The following DLG2 variants were observed in gnomAD, a reference collection of about 807,000 sequenced individuals.
DLG2 encodes the protein discs large MAGUK scaffold protein 2, also known as disks large homolog 2.
Under a neutral mutation model 132.5 loss-of-function variants are expected in DLG2, and 45 were observed. That is an observed-to-expected ratio of 0.34 (90% CI 0.27 to 0.44). The LOEUF is 0.44. Among genes scored for constraint, DLG2 ranks in the 20% least tolerant of loss-of-function variants. The pLI is 1.00. For missense variants in DLG2, 1,045 were observed against 1,196.9 expected, an observed-to-expected ratio of 0.87 and a Z score of 1.87; for synonymous variants, 424 against 419.6, an observed-to-expected ratio of 1.01 and a Z score of -0.13.
intron 6 of DLG2, among the ~76,000 whole-genome samples, chr11:84,914,956 T>C (rs2092360780): frequency 6.6e-6 from 1 of 152,206 alleles, no homozygotes; most frequent in Non-Finnish European, 1.5e-5. Flanking sequence ...GTGGGTAGGC[T>C]AAATCCCAAA....
At chr11:84,034,473 A>G (rs1472883313) in intron 11 of DLG2, among the ~76,000 whole-genome samples, 1 of 152,180 alleles carries the variant, frequency 6.6e-6, no homozygotes, top group Non-Finnish European at 1.5e-5. Context: ...ATGCATATAT[A>G]AATTTTTTCA....
intron 6 of DLG2, among the ~76,000 whole-genome samples, chr11:84,859,326 C>CAT (rs370347390): frequency 0.14 from 19,736 of 144,268 alleles, 1,833 homozygotes; most frequent in Non-Finnish European, 0.19. Context: ...TGTATATCTA[C>CAT]ATATATAGGT....
chr11:83,942,746 A>C (rs779995347), intron 14 of DLG2, among the ~76,000 whole-genome samples: 4 of 152,214 alleles, frequency 2.6e-5, no homozygotes, highest in Non-Finnish European at 5.9e-5. Context: ...TAATTTTTTA[A>C]AAATATTTTT....
intron 7 of DLG2, among the ~76,000 whole-genome samples, chr11:84,416,749 T>A (rs1214418166): frequency 1.3e-5 from 2 of 152,166 alleles, no homozygotes; most frequent in East Asian, 3.9e-4. Flanking sequence ...TGAGATAATA[T>A]AAAGCATTAC....
intron 3 of DLG2, among the ~76,000 whole-genome samples, chr11:85,377,864 CATAT>C (rs752711233): frequency 1.4e-4 from 19 of 134,626 alleles, no homozygotes; most frequent in Non-Finnish European, 2.8e-4. Flanking sequence ...TGTGTGTATA[CATAT>C]ATATACACAC....
rs140780030 is a variant in DLG2 at position 83,857,793 on chromosome 11, T to C, written c.1565+16627A>G. ...TGCATGTGTTGGGGCAGGACACACA[T>C]GAGAATTTTCTACATTTTCTGCTCT... On this transcript the variant is annotated intron_variant, in intron 16 of 27. Coordinates refer to ENST00000376104, the MANE Select transcript of DLG2 (RefSeq NM_001142699.3). 9.6e-3 allele frequency among the ~76,000 whole-genome samples: 1,435 copies of C among 149,966 alleles called. 19 individuals carry two copies. The highest frequency in any genetic ancestry group is 0.033 in the African/African-American group (1,361 of 40,956).
chr11:84,357,522 A>G (rs927955151), intron 7 of DLG2, among the ~76,000 whole-genome samples: 1 of 152,030 alleles, frequency 6.6e-6, no homozygotes, highest in African/African-American at 2.4e-5. Context: ...TTTATGTTTA[A>G]GAGCAATGGC....
rs75347264 is a variant in DLG2 at position 84,737,137 on chromosome 11, T to A, written c.358-202406A>T. On this transcript the variant is annotated intron_variant, in intron 6 of 27. Coordinates refer to ENST00000376104, the MANE Select transcript of DLG2 (RefSeq NM_001142699.3). ...CATGGTTTTTCTATGCCTGAGATTT[T>A]TTTAGGTGATTAATATGGTGATTTT... is the stretch of plus-strand genomic sequence containing the variant. Among the ~76,000 whole-genome samples, 928 of 152,048 alleles carry A rather than the reference T, an allele frequency of 6.1e-3. 4 individuals are homozygous for A. The highest frequency in any genetic ancestry group is 0.01 in the Non-Finnish European group (697 of 67,848).
intron 3 of DLG2, among the ~76,000 whole-genome samples, chr11:85,307,421 G>GA (rs529512833): frequency 1.5e-3 from 230 of 151,068 alleles, no homozygotes; most frequent in African/African-American, 3.1e-3. Flanking sequence ...CTAAGCATGT[G>GA]AAAAAAAAAT....
intron 15 of DLG2, among the ~76,000 whole-genome samples, chr11:83,877,157 C>T (rs1417264770): frequency 3.3e-5 from 5 of 152,024 alleles, no homozygotes; most frequent in Non-Finnish European, 7.4e-5. Context: ...GTACTAGTTT[C>T]CCCACAGTCT....
At chr11:85,280,963 TC>T (rs1412852786) in intron 4 of DLG2, among the ~76,000 whole-genome samples, 1 of 152,036 alleles carries the variant, frequency 6.6e-6, no homozygotes, top group African/African-American at 2.4e-5. Flanking sequence ...ATGACTCTGC[TC>T]CTGTCATCTT....
At chr11:83,699,164 T>C (rs1303950140) in intron 18 of DLG2, among the ~76,000 whole-genome samples, 3 of 151,984 alleles carry the variant, frequency 2.0e-5, no homozygotes, top group Admixed American at 1.3e-4. Context: ...AGCATAAGGA[T>C]AGATGTCCCC....
At chr11:83,685,532 A>G (rs1027246078) in intron 18 of DLG2, among the ~76,000 whole-genome samples, 1 of 151,980 alleles carries the variant, frequency 6.6e-6, no homozygotes, top group Non-Finnish European at 1.5e-5. Flanking sequence ...TCACTAATCT[A>G]TCCTTCTACG....
At chr11:85,076,812 G>A (rs2066604119) in intron 6 of DLG2, among the ~76,000 whole-genome samples, 1 of 151,968 alleles carries the variant, frequency 6.6e-6, no homozygotes, top group African/African-American at 2.4e-5. Flanking sequence ...AGTGAAAGAT[G>A]ACCCCTTGAC....
intron 9 of DLG2, among the ~76,000 whole-genome samples, chr11:84,109,007 G>A (rs2093164425): frequency 6.6e-6 from 1 of 152,278 alleles, no homozygotes; most frequent in Non-Finnish European, 1.5e-5. Flanking sequence ...TGGTGAGGAT[G>A]AGGAAAGCAG....
At chr11:84,041,742 T>C (rs2096087191) in intron 11 of DLG2, among the ~76,000 whole-genome samples, 1 of 151,938 alleles carries the variant, frequency 6.6e-6, no homozygotes, top group Admixed American at 6.6e-5. Context: ...AATATAGAAA[T>C]GTTTTTTGTA....
chr11:85,094,295 A>T (rs901995675), intron 6 of DLG2, among the ~76,000 whole-genome samples: 1 of 152,220 alleles, frequency 6.6e-6, no homozygotes, highest in Non-Finnish European at 1.5e-5. Flanking sequence ...TCAGTATGGT[A>T]ATTAGGCAGT....
intron 19 of DLG2, among the ~76,000 whole-genome samples, chr11:83,626,492 T>C (rs979378529): frequency 1.3e-5 from 2 of 152,188 alleles, no homozygotes; most frequent in Non-Finnish European, 2.9e-5. Context: ...AATCAATTTA[T>C]GAATGCCTTA....
Position 85,155,215 on chromosome 11 carries a change from A to C in DLG2, c.187-564T>G, listed in dbSNP as rs181153063. Reference sequence around the variant, plus strand: ...CAACCTACAATATGACCCATTGAATATGACTGTATCATGTGACCATCTTTG... The same window carrying C: ...CAACCTACAATATGACCCATTGAATCTGACTGTATCATGTGACCATCTTTG... On this transcript the variant is annotated intron_variant, in intron 4 of 27. Coordinates refer to ENST00000376104, the MANE Select transcript of DLG2 (RefSeq NM_001142699.3). Among the ~76,000 whole-genome samples, 156 of 152,346 alleles carry C rather than the reference A, an allele frequency of 1.0e-3. 1 individual carries two copies. The highest frequency in any genetic ancestry group is 3.6e-3 in the African/African-American group (150 of 41,574).
Sources: gnomAD v4.1 joint callset for allele counts (sites outside exome capture counted in the v4.1 genomes callset) on GRCh38, gnomAD v4.1.1 for gene constraint, MANE v1.5 for transcripts, NCBI Gene and HGNC (gene_info 2026-07-23, HGNC 2026-07-21) for gene names.